The following KIZ variants were observed in gnomAD, a reference collection of about 807,000 sequenced individuals.
The protein encoded by KIZ is centrosomal protein kizuna.
Under a neutral mutation model 79.6 loss-of-function variants are expected in KIZ, and 68 were observed. The ratio of observed to expected loss-of-function variants is 0.85; its 90% confidence interval spans 0.70 to 1.05. The LOEUF is 1.05. Among genes scored for constraint, KIZ ranks in the 50% least tolerant of loss-of-function variants. The pLI is 0.00. For missense variants in KIZ, 797 were observed against 800.4 expected (o/e 1.00, Z 0.05); for synonymous variants, 280 against 281.8 (o/e 0.99, Z 0.06).
chr20:21,228,348 G>T (rs1357721774), intron 9 of KIZ, among the ~76,000 whole-genome samples: 1 of 152,168 alleles, frequency 6.6e-6, no homozygotes, highest in Non-Finnish European at 1.5e-5. Flanking sequence ...TTTCCCAACA[G>T]TCTTCCCCAA....
chr20:21,190,135 G>A (rs941178988), intron 6 of KIZ, among the ~76,000 whole-genome samples: 4 of 152,176 alleles, frequency 2.6e-5, no homozygotes, highest in Admixed American at 2.6e-4. Context: ...GTCGCTTCCA[G>A]TTTATTTTCC....
chr20:21,205,554 G>T lies in KIZ; in HGVS notation c.1416G>T (p.Leu472Phe). 1 of 1,551,182 alleles carries T rather than the reference G, an allele frequency of 6.4e-7. No individual in the cohort carries two copies. Among genetic ancestry groups the T allele is most frequent in the East Asian group, 2.3e-5 (1 of 43,078 alleles). Reference protein sequence around the residue: ...RAQVGQHVATLKEHDNSVKEE... With the variant: ...RAQVGQHVATFKEHDNSVKEE... ...AGGTGGGTCAGCATGTTGCCACCTT[G>T]AAAGAACATGATAATTCTGTCAAAG... Residue 472 changes from leucine to phenylalanine, a missense_variant, in exon 7 of 13, where the codon TTG becomes TTT. By Grantham distance (22) the Leu-to-Phe change is conservative. Coordinates refer to ENST00000619189, the MANE Select transcript of KIZ (RefSeq NM_018474.6).
intron 7 of KIZ, among the ~76,000 whole-genome samples, chr20:21,207,575 C>CT (rs932522807): frequency 6.6e-6 from 1 of 151,086 alleles, no homozygotes; most frequent in Non-Finnish European, 1.5e-5. Flanking sequence ...TCCCTCCCCC[C>CT]TTTCCCTTAG....
At chr20:21,211,150 T>G (rs1184157109) in intron 7 of KIZ, among the ~76,000 whole-genome samples, 1 of 152,208 alleles carries the variant, frequency 6.6e-6, no homozygotes, top group Non-Finnish European at 1.5e-5. Flanking sequence ...AGAGTCAGCT[T>G]AGATGATTCT....
intron 1 of KIZ, among the ~76,000 whole-genome samples, chr20:21,130,810 A>ACAGTGAC (rs1277627284): frequency 5.3e-5 from 8 of 152,230 alleles, no homozygotes; most frequent in African/African-American, 1.7e-4. Flanking sequence ...AATGTAGCTA[A>ACAGTGAC]CAGTGACTTT....
At chr20:21,241,911 A>C (rs1255967961) in intron 11 of KIZ, among the ~76,000 whole-genome samples, 2 of 151,598 alleles carry the variant, frequency 1.3e-5, no homozygotes, top group Non-Finnish European at 1.5e-5. Flanking sequence ...CTTTGCCAGC[A>C]GGGAAGCCAA....
chr20:21,208,277 C>T (rs1335809262), intron 7 of KIZ, among the ~76,000 whole-genome samples: 1 of 152,098 alleles, frequency 6.6e-6, no homozygotes, highest in Non-Finnish European at 1.5e-5. Context: ...GGGTGCTGTC[C>T]AGCTAATATC....
intron 9 of KIZ, among the ~76,000 whole-genome samples, chr20:21,222,726 T>C (rs953836911): frequency 6.6e-6 from 1 of 152,222 alleles, no homozygotes; most frequent in Non-Finnish European, 1.5e-5. Context: ...TCTCTGCCTC[T>C]GTCTTCACTT....
Position 21,190,388 on chromosome 20 carries a change from C to A in KIZ, c.1353-15103C>A, listed in dbSNP as rs2035060374. Among the ~76,000 whole-genome samples, 4 of 152,314 alleles carry A rather than the reference C, an allele frequency of 2.6e-5. No homozygotes were observed. The South Asian group carries it at 8.3e-4, about 32-fold the overall frequency. ...CCTCTGTAAAAGGATTAGCGCTAGCCAATTGTTACACTGTTTAAATCTTAA... is the reference window on the plus strand; with the variant it reads ...CCTCTGTAAAAGGATTAGCGCTAGCAAATTGTTACACTGTTTAAATCTTAA... On this transcript the variant is annotated intron_variant, in intron 6 of 12. Coordinates refer to ENST00000619189, the MANE Select transcript of KIZ (RefSeq NM_018474.6).
intron 4 of KIZ, among the ~76,000 whole-genome samples, chr20:21,159,605 T>A (rs2122654735): frequency 6.6e-6 from 1 of 152,218 alleles, no homozygotes; most frequent in Admixed American, 6.5e-5. Context: ...TTTCTATAAA[T>A]GAGATCTTAC....
chr20:21,181,614 A>G (rs2034658553), intron 6 of KIZ, among the ~76,000 whole-genome samples: 1 of 152,018 alleles, frequency 6.6e-6, no homozygotes, highest in Admixed American at 6.6e-5. Flanking sequence ...ATGCGCCACC[A>G]TGCCTGGCTA....
At chr20:21,165,058 A>G (rs2033865743) in intron 6 of KIZ, among the ~76,000 whole-genome samples, 1 of 152,194 alleles carries the variant, frequency 6.6e-6, no homozygotes, top group Non-Finnish European at 1.5e-5. Flanking sequence ...TCTGAGGGTT[A>G]TTGGTCTGAG....
At position 21,197,963 on chromosome 20, in the gene KIZ, T is replaced by A. The variant is rs1227900677; in HGVS notation, c.1353-7528T>A. On this transcript the variant is annotated intron_variant, in intron 6 of 12. Coordinates refer to ENST00000619189, the MANE Select transcript of KIZ (RefSeq NM_018474.6). ...CTATGAAAAGCAAGTCAGGGCTTAC[T>A]GGCTTGACATTGCTGTCGTGGTGGG... 3 of 152,264 alleles carry A rather than the reference T, an allele frequency of 2.0e-5. No homozygotes were observed. In the East Asian group the frequency reaches 5.8e-4, roughly 29 times the overall value. The allele number at this position is 152,264 out of a possible 1,614,324, so 9.4% of individuals were successfully genotyped here.
intron 11 of KIZ, among the ~76,000 whole-genome samples, chr20:21,241,427 G>T (rs755015889): frequency 1.3e-5 from 2 of 152,210 alleles, no homozygotes; most frequent in African/African-American, 4.8e-5. Flanking sequence ...CACGCACCAC[G>T]CACATTTAGC....
chr20:21,130,720 A>G (rs2031789646), intron 1 of KIZ, among the ~76,000 whole-genome samples: 1 of 145,290 alleles, frequency 6.9e-6, no homozygotes, highest in Non-Finnish European at 1.6e-5. Context: ...TTTGGACCCC[A>G]TATTCCCATT....
intron 9 of KIZ, among the ~76,000 whole-genome samples, chr20:21,227,833 T>C (rs1369575670): frequency 6.6e-6 from 1 of 152,220 alleles, no homozygotes; most frequent in Non-Finnish European, 1.5e-5. Flanking sequence ...ATGTTTTCTT[T>C]ATCAGATTTT....
At chr20:21,161,338 A>G (rs999810281) in intron 4 of KIZ, among the ~76,000 whole-genome samples, 2 of 152,130 alleles carry the variant, frequency 1.3e-5, no homozygotes, top group Non-Finnish European at 2.9e-5. Flanking sequence ...TTTCAAAAAC[A>G]TATTCTATAC....
intron 9 of KIZ, among the ~76,000 whole-genome samples, chr20:21,216,480 A>G (rs2036299390): frequency 6.6e-6 from 1 of 152,180 alleles, no homozygotes; most frequent in Non-Finnish European, 1.5e-5. Flanking sequence ...TTTTAAACTC[A>G]TGTTTCTGTG....
intron 11 of KIZ, 147 bp downstream of exon 11, chr20:21,232,977 A>C (rs898107901): frequency 2.5e-5 from 15 of 603,508 alleles, no homozygotes; most frequent in Non-Finnish European, 3.9e-5. Flanking sequence ...AACAGTTGAA[A>C]CTTTAGTCTA....
Sources: gnomAD v4.1 joint callset for allele counts (sites outside exome capture counted in the v4.1 genomes callset) on GRCh38, gnomAD v4.1.1 for gene constraint, MANE v1.5 for transcripts, NCBI Gene and HGNC (gene_info 2026-07-23, HGNC 2026-07-21) for gene names.